SNTG1: variants seen among roughly 807,000 people sequenced by gnomAD.
SNTG1 encodes the protein gamma-1-syntrophin.
In SNTG1, 39 loss-of-function variants were observed where a neutral mutation model predicts 74.7. The ratio of observed to expected loss-of-function variants is 0.52; its 90% confidence interval spans 0.40 to 0.68. SNTG1 has a LOEUF of 0.68. Among genes scored for constraint, SNTG1 ranks in the 30% least tolerant of loss-of-function variants. The pLI, the probability that SNTG1 is intolerant of heterozygous loss-of-function variation, is 0.00. For synonymous variants in SNTG1, 254 were observed against 217.1 expected (o/e 1.17, Z -1.49); for missense variants, 685 against 609.5 (o/e 1.12, Z -1.30).
At chr8:49,969,152 CT>C (rs1438710214) in intron 1 of SNTG1, among the ~76,000 whole-genome samples, 1 of 152,226 alleles carries the variant, frequency 6.6e-6, no homozygotes, top group African/African-American at 2.4e-5. Flanking sequence ...TCAAAATCTT[CT>C]GCATTGATTA....
chr8:49,964,764 TC>T (rs759793382), intron 1 of SNTG1, among the ~76,000 whole-genome samples: 6 of 152,196 alleles, frequency 3.9e-5, no homozygotes, highest in Admixed American at 2.0e-4. Flanking sequence ...TTGATATTTA[TC>T]CAGTTCCATG....
At chr8:50,021,970 AAAG>A (rs1335139894) in intron 1 of SNTG1, among the ~76,000 whole-genome samples, 23 of 151,722 alleles carry the variant, frequency 1.5e-4, no homozygotes, top group Non-Finnish European at 2.8e-4. Context: ...ATAAAAATAA[AAAG>A]AAGAAGAAGA....
At chr8:50,713,796 A>T (rs2095468391) in intron 17 of SNTG1, among the ~76,000 whole-genome samples, 2 of 152,140 alleles carry the variant, frequency 1.3e-5, no homozygotes, top group Non-Finnish European at 2.9e-5. Flanking sequence ...GTGGTGGCTC[A>T]CATCTGTAAT....
At chr8:50,008,460 C>T (rs1014617738) in intron 1 of SNTG1, among the ~76,000 whole-genome samples, 1 of 152,046 alleles carries the variant, frequency 6.6e-6, no homozygotes, top group Non-Finnish European at 1.5e-5. Context: ...TGGGTCTAGT[C>T]TTCCTTATTA....
At chr8:50,001,668 A>G (rs1973259) in intron 1 of SNTG1, among the ~76,000 whole-genome samples, 78,837 of 152,042 alleles carry the variant, frequency 0.52, 23,990 homozygotes, top group East Asian at 0.8. Flanking sequence ...GCAGTTCTAA[A>G]CTTCTGTGAA....
intron 1 of SNTG1, among the ~76,000 whole-genome samples, chr8:49,921,596 G>A (rs1159476005): frequency 2.6e-5 from 4 of 152,144 alleles, no homozygotes; most frequent in African/African-American, 9.6e-5. Context: ...CCGGTTTACA[G>A]CCTGCTTTAG....
intron 13 of SNTG1, among the ~76,000 whole-genome samples, chr8:50,635,343 GAGGTC>G (rs1481064854): frequency 1.3e-5 from 2 of 152,118 alleles, no homozygotes; most frequent in Non-Finnish European, 2.9e-5. Context: ...AGTAGGTGGT[GAGGTC>G]AGCCAGCCTT....
rs542499006 is a variant in SNTG1, at chr8:50,190,991, G to A, written c.-28+18356G>A. Among the ~76,000 whole-genome samples, 3 of 152,262 alleles carry A rather than the reference G, an allele frequency of 2.0e-5. No individual in the cohort carries two copies. In the East Asian group the frequency reaches 5.8e-4, roughly 29 times the overall value. Reference sequence around the variant, plus strand: ...TTGCCATAAATTATGCCGGGTTATAGTATTATTTTCTGGATAAGCACTTCG... The same window carrying A: ...TTGCCATAAATTATGCCGGGTTATAATATTATTTTCTGGATAAGCACTTCG... On this transcript the variant is annotated intron_variant, in intron 2 of 18. Transcript: ENST00000642720.
At chr8:50,675,813 A>AT (rs763592447) in intron 15 of SNTG1, among the ~76,000 whole-genome samples, 1 of 151,596 alleles carries the variant, frequency 6.6e-6, no homozygotes, top group Non-Finnish European at 1.5e-5. Context: ...TCCTTTCCAT[A>AT]TTTTGTGCTT....
chr8:50,018,565 C>T (rs945076328), intron 1 of SNTG1, among the ~76,000 whole-genome samples: 4 of 151,880 alleles, frequency 2.6e-5, no homozygotes, highest in Admixed American at 2.6e-4. Context: ...ACGTTCTTGA[C>T]TATGTGTTAG....
At chr8:50,138,683 T>G (rs1300228808) in intron 1 of SNTG1, among the ~76,000 whole-genome samples, 2 of 150,440 alleles carry the variant, frequency 1.3e-5, no homozygotes, top group South Asian at 4.2e-4. Context: ...CTTGAAAGAC[T>G]CATGCACCTT....
chr8:50,515,342 G>T (rs971721133), intron 9 of SNTG1, among the ~76,000 whole-genome samples: 1 of 148,416 alleles, frequency 6.7e-6, no homozygotes, highest in Non-Finnish European at 1.5e-5. Flanking sequence ...AATATTTTAT[G>T]CTAACTGGGC....
intron 4 of SNTG1, among the ~76,000 whole-genome samples, chr8:50,413,820 C>G (rs74449636): frequency 0.047 from 7,111 of 152,202 alleles, 217 homozygotes; most frequent in Middle Eastern, 0.095. Flanking sequence ...AGTTCACTAT[C>G]TCTCTCTTTG....
chr8:49,914,439 G>A (rs1805847916), intron 1 of SNTG1, among the ~76,000 whole-genome samples: 1 of 151,716 alleles, frequency 6.6e-6, no homozygotes, highest in African/African-American at 2.4e-5. Context: ...AAAAGAGAAA[G>A]GTGAGATGGG....
At chr8:50,556,139 A>G (rs778730614) in intron 12 of SNTG1, among the ~76,000 whole-genome samples, 4 of 152,202 alleles carry the variant, frequency 2.6e-5, no homozygotes, top group Non-Finnish European at 2.9e-5. Context: ...GTATTTTATC[A>G]TTATTCAGAG....
chr8:50,427,735 A>G (rs1040950081), intron 4 of SNTG1, among the ~76,000 whole-genome samples: 1 of 152,162 alleles, frequency 6.6e-6, no homozygotes, highest in Non-Finnish European at 1.5e-5. Context: ...CCTCAAATAC[A>G]TTTTTACTAA....
chr8:50,640,157 C>T (rs188180681), intron 13 of SNTG1, among the ~76,000 whole-genome samples: 32 of 152,262 alleles, frequency 2.1e-4, no homozygotes, highest in Non-Finnish European at 1.0e-4. Context: ...TATGGTTACA[C>T]AGAAAGACGG....
At chr8:50,716,812 A>G (rs1375920343) in intron 17 of SNTG1, among the ~76,000 whole-genome samples, 1 of 151,364 alleles carries the variant, frequency 6.6e-6, no homozygotes, top group Non-Finnish European at 1.5e-5. Flanking sequence ...AGCTCACTGC[A>G]AGCTCCACCT....
chr8:49,978,523 G>A (rs114731192), intron 1 of SNTG1, among the ~76,000 whole-genome samples: 1,669 of 152,228 alleles, frequency 0.011, 29 homozygotes, highest in African/African-American at 0.038. Context: ...CACTGAAGTG[G>A]CTCTGAAGTG....
Sources: allele counts gnomAD v4.1 joint callset (sites outside exome capture counted in the v4.1 genomes callset), GRCh38; gene constraint gnomAD v4.1.1; transcripts MANE v1.5; gene names NCBI Gene and HGNC (gene_info 2026-07-23, HGNC 2026-07-21).